Variants in DYNLL1 observed in about 807,000 individuals in gnomAD.
DYNLL1 encodes dynein light chain 1, cytoplasmic.
Under a neutral mutation model 10.1 loss-of-function variants are expected in DYNLL1, and 3 were observed. The ratio of observed to expected loss-of-function variants is 0.30; its 90% confidence interval spans 0.14 to 0.77. The LOEUF (loss-of-function observed/expected upper bound fraction) is 0.77, where lower values mean the gene tolerates loss of function less well. Among genes scored for constraint, DYNLL1 ranks in the 30% least tolerant of loss-of-function variants. The pLI, the probability that DYNLL1 is intolerant of heterozygous loss-of-function variation, is 0.66. For missense variants in DYNLL1, 47 were observed against 111.7 expected (o/e 0.42, Z 2.61); for synonymous variants, 46 against 41.2 (o/e 1.12, Z -0.45).
At chr12:120,476,099 G>A (rs1029592530) in intron 1 of DYNLL1, among the ~76,000 whole-genome samples, 1 of 144,250 alleles carries the variant, frequency 6.9e-6, no homozygotes, top group Non-Finnish European at 1.6e-5. Flanking sequence ...AGGGTAGGGG[G>A]GTGTGAAAAG....
At chr12:120,480,801 G>A (rs1367796733) in intron 1 of DYNLL1, among the ~76,000 whole-genome samples, 2 of 137,880 alleles carry the variant, frequency 1.5e-5, no homozygotes, top group Non-Finnish European at 3.1e-5. Context: ...TCGCTCTGTT[G>A]CCCAGGCTGG....
At chr12:120,474,436 AC>A (rs1431511027) in intron 1 of DYNLL1, among the ~76,000 whole-genome samples, 3 of 104,180 alleles carry the variant, frequency 2.9e-5, no homozygotes, top group African/African-American at 9.3e-5. Flanking sequence ...ACTGAAAAAA[AC>A]AACATAAAAA....
intron 2 of DYNLL1, chr12:120,496,795 A>T: frequency 1.6e-6 from 1 of 615,274 alleles, no homozygotes; most frequent in Admixed American, 3.1e-5. Flanking sequence ...AGCGCCACCT[A>T]GCAACGGTAT....
At chr12:120,488,438 T>C (rs1879044798) in intron 1 of DYNLL1, 1 of 152,294 alleles carries the variant, frequency 6.6e-6, no homozygotes, top group Non-Finnish European at 1.5e-5. Context: ...CACCAGCCTA[T>C]CTTTCTCCTC....
intron 1 of DYNLL1, among the ~76,000 whole-genome samples, chr12:120,474,752 T>C (rs1196847813): frequency 6.6e-6 from 1 of 152,090 alleles, no homozygotes; most frequent in Non-Finnish European, 1.5e-5. Context: ...TGGCCCTAGG[T>C]ATCAGTGGGC....
At chr12:120,492,650 G>T (rs1012212442), upstream of DYNLL1, among the ~76,000 whole-genome samples, 4 of 152,198 alleles carry the variant, frequency 2.6e-5, no homozygotes, top group African/African-American at 7.2e-5. The surrounding 1 kb of genome is among the most constrained non-coding windows in gnomAD (Gnocchi z 4.1). Flanking sequence ...GGAGCTCATA[G>T]CTTAGGTTGA....
At chr12:120,478,780 G>A (rs1481730859) in intron 1 of DYNLL1, among the ~76,000 whole-genome samples, 18 of 150,750 alleles carry the variant, frequency 1.2e-4, no homozygotes, top group Admixed American at 1.2e-3. Flanking sequence ...CACCTCCTGG[G>A]TTCAAGCAAT....
chr12:120,498,057 C>T lies in DYNLL1; in HGVS notation c.133-16C>T. 3 of 1,611,798 alleles carry T rather than the reference C, an allele frequency of 1.9e-6. No homozygotes were observed. Among genetic ancestry groups the T allele is most frequent in the Non-Finnish European group, 2.5e-6 (3 of 1,178,896 alleles). Reference sequence around the variant, plus strand: ...TGGTAATTAAAATCCTAGTTCTTTTCTTTTGTCTTTTCCAGGAATTTGACA... The same window carrying T: ...TGGTAATTAAAATCCTAGTTCTTTTTTTTTGTCTTTTCCAGGAATTTGACA... On this transcript the variant is annotated splice_polypyrimidine_tract_variant and intron_variant, in intron 2 of 2. Transcript: ENST00000242577.
At chr12:120,475,172 A>G (rs959766273) in intron 1 of DYNLL1, among the ~76,000 whole-genome samples, 1 of 152,180 alleles carries the variant, frequency 6.6e-6, no homozygotes, top group Non-Finnish European at 1.5e-5. Context: ...AATCTTTAAC[A>G]TTATTTTTCA....
chr12:120,483,001 A>C (rs1343648796), intron 1 of DYNLL1, among the ~76,000 whole-genome samples: 1 of 152,042 alleles, frequency 6.6e-6, no homozygotes, highest in African/African-American at 2.4e-5. Flanking sequence ...GGATCCCTCA[A>C]GCCCAGGATC....
chr12:120,487,889 T>G lies in DYNLL1; in HGVS notation c.-6-8527T>G, dbSNP rs187180869. On this transcript the variant is annotated intron_variant, in intron 1 of 2. Coordinates refer to the DYNLL1 transcript ENST00000392509. ...ACTTGAAGTCACTGGTTACAGAGAA[T>G]AGGAATCTATAAACTCATTCCATAA... Among the ~76,000 whole-genome samples, 3 of 152,292 alleles carry G rather than the reference T, an allele frequency of 2.0e-5. No individual in the cohort carries two copies. The East Asian group carries it at 5.8e-4, about 29-fold the overall frequency.
At chr12:120,477,908 T>A (rs760892912) in intron 1 of DYNLL1, among the ~76,000 whole-genome samples, 9 of 152,042 alleles carry the variant, frequency 5.9e-5, no homozygotes, top group African/African-American at 2.2e-4. Flanking sequence ...GTGATTCTCC[T>A]GCCTCAGTAG....
intron 2 of DYNLL1, 188 bp downstream of exon 2, chr12:120,496,741 G>GTTTTTT: frequency 1.7e-6 from 1 of 582,234 alleles, no homozygotes; most frequent in East Asian, 3.1e-5. Flanking sequence ...GGCGTCCGAA[G>GTTTTTT]TTTTTTTTTT....
chr12:120,494,424 G>T (rs764438678), upstream of DYNLL1, among the ~76,000 whole-genome samples: 5 of 151,670 alleles, frequency 3.3e-5, no homozygotes, highest in Non-Finnish European at 2.9e-5. Flanking sequence ...TTACAGGCAC[G>T]TGCCACCATG....
intron 1 of DYNLL1, among the ~76,000 whole-genome samples, chr12:120,479,471 T>TAA (rs1315844047): frequency 5.6e-5 from 5 of 89,578 alleles, no homozygotes; most frequent in African/African-American, 2.1e-4. Context: ...AAAAAAAAAA[T>TAA]AATAATAATA....
Position 120,496,149 on chromosome 12 carries a change from G to A in DYNLL1, c.-74G>A, listed in dbSNP as rs117015363. The A allele has an allele frequency of 0.014, 7,817 of 551,822 alleles. 86 individuals carry two copies. Among genetic ancestry groups the A allele is most frequent in the Non-Finnish European group, 0.019 (5,833 of 310,720 alleles). 34.2% of individuals were successfully genotyped at this position (551,822 alleles called of 1,614,324 possible). A position where few individuals can be genotyped will look rare whatever the true frequency, so the allele number is the denominator to read the frequency against. ...GGTTTCGGTAGCGACGGTATCTCTA[G>A]CCGGGCCTGAGCTGTGCTAGCACCT... On this transcript the variant is annotated 5_prime_UTR_variant, in exon 1 of 3. Coordinates refer to ENST00000242577, the MANE Select transcript of DYNLL1 (RefSeq NM_003746.3).
In DYNLL1 at chr12:120,487,273, T is replaced by C. The variant is rs962644982; in HGVS notation, c.-6-9143T>C. 1.4e-3 allele frequency among the ~76,000 whole-genome samples: 3 copies of C among 2,198 alleles called. No individual in the cohort carries two copies. In the Non-Finnish European group the frequency reaches 0.027, roughly 20 times the overall value. The allele number at this position is 2,198 out of a possible 152,430, so 1.4% of individuals were successfully genotyped here. A position where few individuals can be genotyped will look rare whatever the true frequency, so the allele number is the denominator to read the frequency against. On this transcript the variant is annotated intron_variant, in intron 1 of 2. Coordinates refer to the DYNLL1 transcript ENST00000392509. Reference sequence around the variant, plus strand: ...CAGGCGTAAGCCACCGTGCCCGGCCTTTTTTTTTTTTTTTTTTTTTTTTTT... The same window carrying C: ...CAGGCGTAAGCCACCGTGCCCGGCCCTTTTTTTTTTTTTTTTTTTTTTTTT...
chr12:120,478,752 C>T (rs79259552), intron 1 of DYNLL1, among the ~76,000 whole-genome samples: 43,191 of 150,004 alleles, frequency 0.29, 6,530 homozygotes, highest in East Asian at 0.5. Context: ...ATGGCACAAT[C>T]TTGCTCACTG....
chr12:120,471,522 A>T (rs767273114), intron 1 of DYNLL1, among the ~76,000 whole-genome samples: 2 of 152,208 alleles, frequency 1.3e-5, no homozygotes, highest in Non-Finnish European at 2.9e-5. Flanking sequence ...TACTGAGTGT[A>T]TATCTTTTTT....
Sources: allele counts gnomAD v4.1 joint callset (sites outside exome capture counted in the v4.1 genomes callset), GRCh38; gene constraint gnomAD v4.1.1; non-coding constraint Gnocchi (gnomAD v3.1); transcripts MANE v1.5; gene names NCBI Gene and HGNC (gene_info 2026-07-23, HGNC 2026-07-21).